Variants in TDRD9 observed in about 807,000 individuals in gnomAD.
The protein encoded by TDRD9 is ATP-dependent RNA helicase TDRD9.
TDRD9 carries 124 observed loss-of-function variants against 172.6 expected under a neutral mutation model. The ratio of observed to expected loss-of-function variants is 0.72; its 90% CI spans 0.62 to 0.83. The LOEUF (loss-of-function observed/expected upper bound fraction) is 0.83. Among genes scored for constraint, TDRD9 ranks in the 40% least tolerant of loss-of-function variants. TDRD9 has a pLI of 0.00. For missense variants in TDRD9, 1,479 were observed against 1,714.1 expected, an observed-to-expected ratio of 0.86 and a Z score of 2.42; for synonymous variants, 619 against 617.1, an observed-to-expected ratio of 1.00 and a Z score of -0.05.
chr14:103,979,965 T>C (rs1391693392), intron 7 of TDRD9, among the ~76,000 whole-genome samples: 1 of 151,758 alleles, frequency 6.6e-6, no homozygotes, highest in African/African-American at 2.4e-5. Flanking sequence ...AACCTTGAAC[T>C]CCTTGGCTCA....
chr14:104,007,102 T>TA (rs949085577), intron 18 of TDRD9, 58 bp from the exon 19 acceptor site: 50 of 1,505,196 alleles, frequency 3.3e-5, no homozygotes, highest in Admixed American at 4.2e-5. Context: ...AAATTGTACT[T>TA]AAAAAAAATT....
intron 1 of TDRD9, among the ~76,000 whole-genome samples, chr14:103,942,576 T>C (rs1240316290): frequency 6.6e-6 from 1 of 152,250 alleles, no homozygotes; most frequent in Admixed American, 6.5e-5. Context: ...GGTCACAGTT[T>C]AGTGCTGTAT....
chr14:103,970,433 C>T (rs2032969043), intron 5 of TDRD9, 108 bp from the exon 6 acceptor site: 1 of 742,268 alleles, frequency 1.3e-6, no homozygotes, highest in Non-Finnish European at 2.3e-6. Flanking sequence ...CTGCATTTAG[C>T]AGAGAGAACT....
chr14:104,024,504 C>A, intron 24 of TDRD9, 65 bp from the exon 25 acceptor site: 1 of 826,972 alleles, frequency 1.2e-6, no homozygotes. Context: ...GATAATTTCA[C>A]ATATGTAAAT....
rs1247568953 is a variant in TDRD9, at chr14:103,928,606, C to T, written c.97C>T (p.Pro33Ser). 3.7e-6 allele frequency: 5 copies of T among 1,333,862 alleles called. No homozygotes were observed. Among genetic ancestry groups the T allele is most frequent in the Admixed American group, 3.3e-5 (1 of 30,628 alleles). The allele number at this position is 1,333,862 out of a possible 1,614,324, so 82.6% of individuals were successfully genotyped here. ...VELLGAPPAFPAGAAREEVQR... is the reference protein window; with the variant it reads ...VELLGAPPAFSAGAAREEVQR... ...GCTGCTGGGCGCGCCGCCCGCCTTCCCGGCAGGGGCGGCCAGGGAGGAGGT... is the reference window on the plus strand; with the variant it reads ...GCTGCTGGGCGCGCCGCCCGCCTTCTCGGCAGGGGCGGCCAGGGAGGAGGT... The change falls in exon 1 of 36, where the codon CCG (proline) becomes TCG (serine). Residue 33 changes from proline to serine, a missense_variant. Physicochemically the swap from Pro to Ser is moderately conservative, Grantham distance 74. Coordinates refer to ENST00000409874, the MANE Select transcript of TDRD9 (RefSeq NM_153046.3).
intron 15 of TDRD9, among the ~76,000 whole-genome samples, chr14:104,006,032 G>C (rs974263090): frequency 6.6e-6 from 1 of 152,104 alleles, no homozygotes; most frequent in Non-Finnish European, 1.5e-5. Flanking sequence ...TCAAGTTAAG[G>C]AAGTTTTTCC....
intron 34 of TDRD9, among the ~76,000 whole-genome samples, chr14:104,044,216 T>C (rs1224527169): frequency 3.3e-5 from 5 of 152,102 alleles, no homozygotes; most frequent in African/African-American, 1.2e-4. Context: ...CCAGCCAGGG[T>C]CTGACTGTGT....
intron 12 of TDRD9, among the ~76,000 whole-genome samples, chr14:103,996,152 G>A (rs572095214): frequency 9.2e-5 from 14 of 152,224 alleles, no homozygotes; most frequent in Non-Finnish European, 8.8e-5. Context: ...TCTGAAGGTT[G>A]CTTGGCAGGA....
chr14:104,004,758 A>T lies in TDRD9; in HGVS notation c.1581+423A>T, dbSNP rs150371396. On this transcript the variant is annotated intron_variant, in intron 14 of 35. Transcript: ENST00000409874. ...TGTCTTGCCACATTCCCCCTCACTC[A>T]CAATCTGGGCTCACTATTGATTACA... 1.4e-3 allele frequency among the ~76,000 whole-genome samples: 217 copies of T among 152,226 alleles called. 1 individual carries two copies. Among genetic ancestry groups the T allele is most frequent in the Non-Finnish European group, 2.5e-3 (172 of 68,016 alleles).
intron 23 of TDRD9, 68 bp downstream of exon 23, chr14:104,018,260 T>C: frequency 9.6e-7 from 1 of 1,039,632 alleles, no homozygotes; most frequent in South Asian, 1.5e-5. Context: ...TTCCAGACGC[T>C]GATTGTTAAA....
chr14:103,963,774 T>G (rs1429095764), intron 3 of TDRD9, among the ~76,000 whole-genome samples: 3 of 152,136 alleles, frequency 2.0e-5, no homozygotes, highest in Admixed American at 6.5e-5. Context: ...TAGAAATGTT[T>G]CAAATTTAAT....
chr14:103,933,829 A>G (rs1477796711), intron 1 of TDRD9, among the ~76,000 whole-genome samples: 2 of 152,220 alleles, frequency 1.3e-5, no homozygotes, highest in African/African-American at 4.8e-5. Context: ...AGATGGGGGA[A>G]GTTAAGATCA....
chr14:103,997,228 G>A lies in TDRD9; in HGVS notation c.1379-1396G>A, dbSNP rs1247711289. On this transcript the variant is annotated intron_variant, in intron 12 of 35. Transcript: ENST00000409874. This position sits in a 1 kb window ranked among gnomAD's most constrained non-coding sequence, Gnocchi z 5.1. ...AAGGAGAGAAAAGGAAGAGACTTAG[G>A]AGGGTGTCACAAGAATCTAGGCGAC... Among the ~76,000 whole-genome samples, 2 of 152,202 alleles carry A rather than the reference G, an allele frequency of 1.3e-5. No individual in the cohort carries two copies. The highest frequency in any genetic ancestry group is 1.9e-4 in the East Asian group (1 of 5,200).
At chr14:103,956,766 G>A (rs2032265616) in intron 2 of TDRD9, among the ~76,000 whole-genome samples, 3 of 152,096 alleles carry the variant, frequency 2.0e-5, no homozygotes, top group Non-Finnish European at 2.9e-5. Context: ...GTTCCCAAGA[G>A]TACAACTGTT....
chr14:103,969,168 C>CT (rs147613591), intron 5 of TDRD9, among the ~76,000 whole-genome samples: 49,186 of 137,552 alleles, frequency 0.36, 8,824 homozygotes, highest in Middle Eastern at 0.37. Context: ...ATTCAATAAA[C>CT]TTTTTTTTTT....
intron 32 of TDRD9, among the ~76,000 whole-genome samples, chr14:104,036,173 C>T (rs117295312): frequency 6.6e-6 from 1 of 151,786 alleles, no homozygotes; most frequent in East Asian, 1.9e-4. Flanking sequence ...CCACAAATAC[C>T]AGGTTTTTCA....
At chr14:103,983,029 C>T (rs961525301) in intron 7 of TDRD9, among the ~76,000 whole-genome samples, 24 of 151,644 alleles carry the variant, frequency 1.6e-4, no homozygotes, top group East Asian at 9.7e-4. Context: ...GCATGCCCCC[C>T]GCCCCACCTG....
chr14:103,955,714 AG>A lies in TDRD9; in HGVS notation c.267del (p.Gln89HisfsTer28). The A allele has an allele frequency of 6.4e-7, 1 of 1,551,514 alleles. No homozygotes were observed. Among genetic ancestry groups the A allele is most frequent in the Non-Finnish European group, 8.7e-7 (1 of 1,146,882 alleles). ...GTAGAGTATATTAACAAATACAGAC[AG>A]CTCGAAGCACAAGAGCTTGATGTGT... ...SEVEYINKYR[Q>X]LEAQELDVCR... On this transcript the variant is annotated frameshift_variant, in exon 2 of 36. Coordinates refer to ENST00000409874, the MANE Select transcript of TDRD9 (RefSeq NM_153046.3). LOFTEE classifies it high-confidence loss of function.
chr14:103,960,655 G>A lies in TDRD9; in HGVS notation c.323-2424G>A, dbSNP rs548665840. On this transcript the variant is annotated intron_variant, in intron 2 of 35. Coordinates refer to ENST00000409874, the MANE Select transcript of TDRD9 (RefSeq NM_153046.3). ...CTGTCTGCCCTTTGGCAGTGTACGC[G>A]GAGGCAGGACTTGATTTGTGCTGGG... Among the ~76,000 whole-genome samples the A allele has an allele frequency of 1.5e-3, 229 of 152,034 alleles. 2 individuals carry two copies. The highest frequency in any genetic ancestry group is 4.5e-3 in the African/African-American group (189 of 41,552).
Sources: allele counts gnomAD v4.1 joint callset (sites outside exome capture counted in the v4.1 genomes callset), GRCh38; gene constraint gnomAD v4.1.1; non-coding constraint Gnocchi (gnomAD v3.1); transcripts MANE v1.5; gene names NCBI Gene and HGNC (gene_info 2026-07-23, HGNC 2026-07-21).